Variants in PTPRM observed in about 807,000 individuals in gnomAD.
The protein encoded by PTPRM is protein tyrosine phosphatase receptor type M.
Under a neutral mutation model 186.7 loss-of-function variants are expected in PTPRM, and 47 were observed. That is an observed-to-expected ratio of 0.25 (90% CI 0.20 to 0.32). The LOEUF (loss-of-function observed/expected upper bound fraction) is 0.32, where lower values mean the gene tolerates loss of function less well. Ranked by LOEUF, PTPRM falls within the 10% of genes least tolerant of loss-of-function variation. PTPRM has a pLI of 1.00. For missense variants in PTPRM, 1,494 were observed against 1,865.0 expected, an observed-to-expected ratio of 0.80 and a Z score of 3.66; for synonymous variants, 668 against 674.9, an observed-to-expected ratio of 0.99 and a Z score of 0.16.
chr18:7,848,664 G>A lies in PTPRM; in HGVS notation c.197-39442G>A, dbSNP rs140167880. Among the ~76,000 whole-genome samples, 1,271 of 152,182 alleles carry A rather than the reference G, an allele frequency of 8.4e-3. 18 individuals are homozygous for A. Among genetic ancestry groups the A allele is most frequent in the African/African-American group, 0.027 (1,130 of 41,510 alleles). ...TGTAGTCCCAGCTACTCAGGAAGCTGGGACAGGAGGATTGCTTGAGTCCGA... is the reference window on the plus strand; with the variant it reads ...TGTAGTCCCAGCTACTCAGGAAGCTAGGACAGGAGGATTGCTTGAGTCCGA... On this transcript the variant is annotated intron_variant, in intron 2 of 32. Transcript: ENST00000580170.
intron 5 of PTPRM, among the ~76,000 whole-genome samples, chr18:7,942,645 G>T (rs562060632): frequency 3.3e-5 from 5 of 151,990 alleles, no homozygotes; most frequent in Non-Finnish European, 2.9e-5. Flanking sequence ...CTGCTTGGTG[G>T]GGGGGCGGGG....
chr18:8,281,011 A>G (rs932162010), intron 19 of PTPRM, among the ~76,000 whole-genome samples: 4 of 152,248 alleles, frequency 2.6e-5, no homozygotes, highest in Non-Finnish European at 5.9e-5. Context: ...TAAAAGACCA[A>G]TCAAAACTAA....
chr18:7,889,352 T>TTC (rs1222617318), intron 3 of PTPRM, among the ~76,000 whole-genome samples: 1 of 148,786 alleles, frequency 6.7e-6, no homozygotes, highest in East Asian at 1.9e-4. Flanking sequence ...TTTTTTTTTT[T>TTC]TTGAGACTGG....
chr18:8,118,331 G>T (rs922894195), intron 13 of PTPRM, among the ~76,000 whole-genome samples: 5 of 151,962 alleles, frequency 3.3e-5, no homozygotes, highest in African/African-American at 9.7e-5. Context: ...GTGCTTTGGG[G>T]TTTTTTTGGG....
chr18:8,234,300 A>G (rs545582965), intron 14 of PTPRM, among the ~76,000 whole-genome samples: 1 of 152,216 alleles, frequency 6.6e-6, no homozygotes, highest in South Asian at 2.1e-4. Flanking sequence ...TTTTGTACGT[A>G]TTTGTTAGAT....
chr18:7,914,761 C>A (rs987813382), intron 4 of PTPRM, among the ~76,000 whole-genome samples: 1 of 152,076 alleles, frequency 6.6e-6, no homozygotes, highest in Admixed American at 6.5e-5. Context: ...AAAATGTTTG[C>A]AAAATATATT....
rs2039157071 is a variant in PTPRM, at chr18:7,668,935, T to C, written c.73+101044T>C. ...GGGGATCTTTGTCTCTTTTCCTCAA[T>C]GACATGTGTCAGATGCCTTAGACCA... is the stretch of plus-strand genomic sequence containing the variant. On this transcript the variant is annotated intron_variant, in intron 1 of 32. Coordinates refer to ENST00000580170, the MANE Select transcript of PTPRM (RefSeq NM_001105244.2). The surrounding 1 kb of genome is among the most constrained non-coding windows in gnomAD (Gnocchi z 4.7). 6.6e-6 allele frequency among the ~76,000 whole-genome samples: 1 copy of C among 152,014 alleles called. No individual in the cohort carries two copies.
At chr18:7,586,945 C>T (rs1382129235) in intron 1 of PTPRM, among the ~76,000 whole-genome samples, 6 of 152,114 alleles carry the variant, frequency 3.9e-5, no homozygotes, top group Non-Finnish European at 7.4e-5. Context: ...AGAAACTTTA[C>T]CTCTTTAATT....
At chr18:8,015,631 C>G (rs1444277104) in intron 7 of PTPRM, among the ~76,000 whole-genome samples, 3 of 152,128 alleles carry the variant, frequency 2.0e-5, no homozygotes, top group Non-Finnish European at 1.5e-5. Context: ...TAATTTAGAG[C>G]AGAACCTTTC....
chr18:8,271,027 C>CTA (rs1209121298), intron 19 of PTPRM, among the ~76,000 whole-genome samples: 1 of 152,064 alleles, frequency 6.6e-6, no homozygotes, highest in African/African-American at 2.4e-5. Context: ...ACAAAAGTAA[C>CTA]TAAATTAGGT....
chr18:8,094,684 T>C (rs2090925328), intron 11 of PTPRM, among the ~76,000 whole-genome samples: 1 of 152,168 alleles, frequency 6.6e-6, no homozygotes, highest in African/African-American at 2.4e-5. Context: ...AATCCATTAA[T>C]AATTAATACA....
intron 14 of PTPRM, among the ~76,000 whole-genome samples, chr18:8,204,732 TC>T (rs1568516913): frequency 6.6e-6 from 1 of 151,566 alleles, no homozygotes; most frequent in African/African-American, 2.4e-5. Flanking sequence ...GAGCCCTTCT[TC>T]ATAAGTAAGC....
At chr18:8,071,627 T>A (rs867721464) in intron 8 of PTPRM, among the ~76,000 whole-genome samples, 7 of 152,188 alleles carry the variant, frequency 4.6e-5, no homozygotes, top group Non-Finnish European at 8.8e-5. Context: ...CAGCATCTTG[T>A]TCTGCAAAGC....
intron 14 of PTPRM, among the ~76,000 whole-genome samples, chr18:8,216,866 A>G (rs2094093106): frequency 6.6e-6 from 1 of 152,242 alleles, no homozygotes; most frequent in Admixed American, 6.5e-5. Flanking sequence ...AGTGAAGCTG[A>G]TGGGATTCTT....
At chr18:7,846,152 A>G (rs1220351756) in intron 2 of PTPRM, among the ~76,000 whole-genome samples, 2 of 152,226 alleles carry the variant, frequency 1.3e-5, no homozygotes, top group East Asian at 3.9e-4. Flanking sequence ...AGCTGGGACC[A>G]TAAGCTTTTT....
At chr18:7,633,357 G>T (rs2038236570) in intron 1 of PTPRM, among the ~76,000 whole-genome samples, 1 of 152,090 alleles carries the variant, frequency 6.6e-6, no homozygotes, top group Admixed American at 6.6e-5. Context: ...CCATGTTTTT[G>T]CTCTTCCCCA....
rs2048886301 is a variant in PTPRM at position 7,888,267 on chromosome 18, G to T, written c.358G>T (p.Val120Phe). ...GGGGTTACTCAATGTCTACGTGAAGGTCAATAACGGGCCACTGGGGAATCC... is the reference window on the plus strand; with the variant it reads ...GGGGTTACTCAATGTCTACGTGAAGTTCAATAACGGGCCACTGGGGAATCC... The part of the protein sequence containing the change: ...PPGLLNVYVK[V>F]NNGPLGNPIW... The change falls in exon 3 of 33, where the codon GTC becomes TTC. Residue 120 changes from valine (V) to phenylalanine (F), a missense_variant. Transcript: ENST00000580170. 2.5e-6 allele frequency: 4 copies of T among 1,614,132 alleles called. No individual in the cohort carries two copies. The highest frequency in any genetic ancestry group is 4.5e-5 in the East Asian group (2 of 44,882).
intron 20 of PTPRM, among the ~76,000 whole-genome samples, chr18:8,298,733 C>G (rs769410479): frequency 1.3e-5 from 2 of 152,164 alleles, no homozygotes; most frequent in Non-Finnish European, 2.9e-5. Context: ...AAGAGTTTCA[C>G]GGTTAATAAG....
intron 14 of PTPRM, among the ~76,000 whole-genome samples, chr18:8,201,597 G>A (rs938992647): frequency 2.7e-4 from 41 of 152,188 alleles, no homozygotes; most frequent in African/African-American, 9.4e-4. Flanking sequence ...GAGGCCAGAA[G>A]TCTAAGATCA....
Sources: gnomAD v4.1 joint callset for allele counts (sites outside exome capture counted in the v4.1 genomes callset) on GRCh38, gnomAD v4.1.1 for gene constraint, Gnocchi (gnomAD v3.1) non-coding constraint, MANE v1.5 for transcripts, NCBI Gene and HGNC (gene_info 2026-07-23, HGNC 2026-07-21) for gene names.